Variants in WHRN observed in about 807,000 individuals in gnomAD.
WHRN encodes the protein CASK-interacting protein CIP98.
In WHRN, 41 loss-of-function variants were observed where a neutral mutation model predicts 68.3. The observed-to-expected ratio is 0.60, with a 90% confidence interval of 0.47 to 0.78. The LOEUF (loss-of-function observed/expected upper bound fraction) is 0.78, where lower values mean the gene tolerates loss of function less well. WHRN is among the 30% of genes least tolerant of loss of function. The pLI is 0.00. For synonymous variants in WHRN, 560 were observed against 561.3 expected, an observed-to-expected ratio of 1.00 and a Z score of 0.03; for missense variants, 1,243 against 1,244.7, an observed-to-expected ratio of 1.00 and a Z score of 0.02.
chr9:114,492,566 G>C (rs2133330116), intron 1 of WHRN, among the ~76,000 whole-genome samples: 1 of 152,330 alleles, frequency 6.6e-6, no homozygotes, highest in South Asian at 2.1e-4. Context: ...CAATACAAAT[G>C]CATACACAGA....
intron 7 of WHRN, among the ~76,000 whole-genome samples, chr9:114,409,678 C>T (rs1835289762): frequency 6.6e-6 from 1 of 151,920 alleles, no homozygotes; most frequent in South Asian, 2.1e-4. Context: ...AGCCTTCACA[C>T]TGGCTGTTGT....
chr9:114,480,477 T>C (rs1266282996), intron 1 of WHRN, among the ~76,000 whole-genome samples: 1 of 98,048 alleles, frequency 1.0e-5, no homozygotes, highest in Admixed American at 1.0e-4. Flanking sequence ...AGTAGCTTTG[T>C]AGGAAGAGAG....
chr9:114,499,451 T>C (rs1843733839), intron 1 of WHRN, among the ~76,000 whole-genome samples: 1 of 152,224 alleles, frequency 6.6e-6, no homozygotes, highest in African/African-American at 2.4e-5. Context: ...TGTCATTCTT[T>C]CCAATCAGAT....
intron 1 of WHRN, among the ~76,000 whole-genome samples, chr9:114,498,131 T>C (rs1843619034): frequency 6.6e-6 from 1 of 152,168 alleles, no homozygotes; most frequent in South Asian, 2.1e-4. Flanking sequence ...ATTCCATTCA[T>C]TCGGCAAATA....
chr9:114,501,706 C>T (rs1843946993), intron 1 of WHRN, among the ~76,000 whole-genome samples: 2 of 151,932 alleles, frequency 1.3e-5, no homozygotes, highest in South Asian at 4.2e-4. Flanking sequence ...AATGTGGTAT[C>T]CTAGAATAAA....
At chr9:114,405,939 G>A (rs539457104) in intron 9 of WHRN, among the ~76,000 whole-genome samples, 1 of 152,218 alleles carries the variant, frequency 6.6e-6, no homozygotes, top group Non-Finnish European at 1.5e-5. Flanking sequence ...CCTGCCAGGG[G>A]TCCAGAGACT....
chr9:114,404,052 C>A lies in WHRN; in HGVS notation c.2262G>T (p.Ser754=). 1 of 1,613,288 alleles carries A rather than the reference C, an allele frequency of 6.2e-7. No homozygotes were observed. Among genetic ancestry groups the A allele is most frequent in the Non-Finnish European group, 8.5e-7 (1 of 1,180,024 alleles). Residue 754 remains serine (S), a synonymous_variant, in exon 10 of 12, where the codon TCG becomes TCT. Transcript: ENST00000362057. ...TRTASTLSQL[S]DSGQTLSEDS... The stretch of plus-strand genomic sequence containing the variant: ...CCTCGCTTAGAGTCTGCCCGCTGTC[C>A]GAGAGCTGGGAGAGCGTAGAGGCTG...
intron 3 of WHRN, among the ~76,000 whole-genome samples, chr9:114,444,908 A>G (rs1232300350): frequency 1.3e-5 from 2 of 152,044 alleles, no homozygotes; most frequent in Non-Finnish European, 2.9e-5. Context: ...TATCCATATT[A>G]TATTCCATGT....
rs539923677 is a variant in WHRN, at chr9:114,404,085, G to A, written c.2237-8C>T. On this transcript the variant is annotated splice_polypyrimidine_tract_variant and splice_region_variant and intron_variant, in intron 9 of 11. Coordinates refer to ENST00000362057, the MANE Select transcript of WHRN (RefSeq NM_015404.4). ...GGGAGAGCGTAGAGGCTGCTGGAGA[G>A]GGGAAAAGGAAGAGAGAAGCAGCTT... 1.7e-5 allele frequency: 28 copies of A among 1,612,134 alleles called. No individual in the cohort carries two copies. The East Asian group carries it at 2.7e-4, about 15-fold the overall frequency.
chr9:114,504,718 CCCGCCG>C lies in WHRN; in HGVS notation c.78_83del (p.Gly28_Gly29del). 1 of 1,511,116 alleles carries C rather than the reference CCCGCCG, an allele frequency of 6.6e-7. No individual in the cohort carries two copies. Among genetic ancestry groups the C allele is most frequent in the South Asian group, 1.3e-5 (1 of 79,766 alleles). The allele number at this position is 1,511,116 out of a possible 1,614,324, so 93.6% of individuals were successfully genotyped here. A position where few individuals can be genotyped will look rare whatever the true frequency, so the allele number is the denominator to read the frequency against. ...CAGACAGTAACCGCAGCCCCGCGCC[CCCGCCG>C]CCGCCCGCCCCGGCCGCCGAGCCCA... On this transcript the variant is annotated inframe_deletion, in exon 1 of 12. Transcript: ENST00000362057.
intron 3 of WHRN, among the ~76,000 whole-genome samples, chr9:114,438,307 A>C (rs1224954471): frequency 6.6e-6 from 1 of 152,142 alleles, no homozygotes. Context: ...AAGCTACATC[A>C]AGGTACCATT....
chr9:114,420,556 C>T (rs1321496810), intron 7 of WHRN, among the ~76,000 whole-genome samples: 1 of 152,156 alleles, frequency 6.6e-6, no homozygotes, highest in Non-Finnish European at 1.5e-5. Context: ...GAGGCCCAAG[C>T]CCTGTGATGT....
In WHRN at chr9:114,424,447, T is replaced by G; in HGVS notation, c.1303A>C (p.Asn435His). 1 of 1,613,658 alleles carries G rather than the reference T, an allele frequency of 6.2e-7. No homozygotes were observed. Among genetic ancestry groups the G allele is most frequent in the East Asian group, 2.2e-5 (1 of 44,860 alleles). ...LLEEQARHLL[N>H]EQEHATMAYY... ...GCCATGGTGGCGTGTTCCTGCTCGT[T>G]CAGCAGGTGCCGAGCCTGCTCCTCC... is the stretch of plus-strand genomic sequence containing the variant. Residue 435 changes from asparagine (N) to histidine (H), a missense_variant, in exon 6 of 12, where the codon AAC (asparagine) becomes CAC (histidine). By Grantham distance (68) the Asn-to-His change is moderately conservative (BLOSUM62 1). Coordinates refer to ENST00000362057, the MANE Select transcript of WHRN (RefSeq NM_015404.4).
intron 3 of WHRN, among the ~76,000 whole-genome samples, chr9:114,428,783 T>C (rs1589119126): frequency 6.6e-6 from 1 of 151,820 alleles, no homozygotes; most frequent in South Asian, 2.1e-4. Flanking sequence ...TTTACCCCCC[T>C]GAGCAGATCC....
chr9:114,449,976 GC>G (rs929565516), intron 3 of WHRN, among the ~76,000 whole-genome samples: 21 of 152,218 alleles, frequency 1.4e-4, no homozygotes, highest in African/African-American at 4.1e-4. Context: ...ATCTACAGGA[GC>G]TTGGGAAGCA....
At chr9:114,405,988 T>C (rs1416508285) in intron 9 of WHRN, among the ~76,000 whole-genome samples, 1 of 152,202 alleles carries the variant, frequency 6.6e-6, no homozygotes, top group African/African-American at 2.4e-5. Flanking sequence ...GGCCAGGCCA[T>C]GGCGGACAGG....
rs560057411 is a variant in WHRN at position 114,403,770 on chromosome 9, T to C, written c.2418+126A>G. The C allele has an allele frequency of 3.0e-4, 359 of 1,197,394 alleles. 3 individuals carry two copies. The South Asian group carries it at 4.2e-3, about 14-fold the overall frequency. The allele number at this position is 1,197,394 out of a possible 1,614,324, so 74.2% of individuals were successfully genotyped here. Reference sequence around the variant, plus strand: ...TCCAGGACGTCCAAATCCCTCCAGTTATAGGGAGCTCACTACCTCCCTTTG... The same window carrying C: ...TCCAGGACGTCCAAATCCCTCCAGTCATAGGGAGCTCACTACCTCCCTTTG... On this transcript the variant is annotated intron_variant, in intron 10 of 11. Transcript: ENST00000362057.
At chr9:114,459,215 T>C (rs1417948783) in intron 3 of WHRN, among the ~76,000 whole-genome samples, 7 of 151,948 alleles carry the variant, frequency 4.6e-5, no homozygotes, top group African/African-American at 1.7e-4. Context: ...CCCAGCACTT[T>C]GGGAGGCCAA....
intron 3 of WHRN, among the ~76,000 whole-genome samples, chr9:114,431,380 T>G (rs947349468): frequency 9.2e-5 from 14 of 152,194 alleles, no homozygotes; most frequent in African/African-American, 3.4e-4. Flanking sequence ...GGAGACAGGT[T>G]CAGAGATGTT....
Sources: allele counts gnomAD v4.1 joint callset (sites outside exome capture counted in the v4.1 genomes callset), GRCh38; gene constraint gnomAD v4.1.1; transcripts MANE v1.5; gene names NCBI Gene and HGNC (gene_info 2026-07-23, HGNC 2026-07-21).